The following TPRX1 variants were observed in gnomAD, a reference collection of about 807,000 sequenced individuals.
TPRX1 encodes tetrapeptide repeat homeobox 1.
In TPRX1, 2 loss-of-function variants were observed where a neutral mutation model predicts 8.1. That is an observed-to-expected ratio of 0.25 (90% CI 0.10 to 0.78). The LOEUF is 0.78. Among genes scored for constraint, TPRX1 ranks in the 30% least tolerant of loss-of-function variants. TPRX1 has a pLI of 0.70. For missense variants in TPRX1, 517 were observed against 586.9 expected (o/e 0.88, Z 1.23); for synonymous variants, 257 against 254.1 (o/e 1.01, Z -0.11).
At chr19:47,810,360 T>TC (rs1473000446) in intron 2 of TPRX1, among the ~76,000 whole-genome samples, 81 of 135,174 alleles carry the variant, frequency 6.0e-4, no homozygotes, top group African/African-American at 2.0e-3. Flanking sequence ...TTTTTTTTTT[T>TC]TTTTTTGAGA....
rs762811270 is a variant in TPRX1, at chr19:47,818,336, TCCATCATC to T, written c.151+124_151+131del. Reference sequence around the variant, plus strand: ...ACCCATCCATCCATCCATCCATCCATCCATCATCCATCCATCCATCCATCCATCCATCA... The same window carrying T: ...ACCCATCCATCCATCCATCCATCCATCATCCATCCATCCATCCATCCATCA... On this transcript the variant is annotated intron_variant, in intron 2 of 3. Coordinates refer to ENST00000535759, the Ensembl canonical transcript of TPRX1. 3.0e-3 allele frequency: 913 copies of T among 305,918 alleles called. 62 individuals are homozygous for T. The African/African-American group carries it at 0.038, about 13-fold the overall frequency. 19.0% of individuals were successfully genotyped at this position (305,918 alleles called of 1,614,324 possible).
At chr19:47,807,545 C>T (rs926939032) in intron 2 of TPRX1, among the ~76,000 whole-genome samples, 1 of 151,036 alleles carries the variant, frequency 6.6e-6, no homozygotes, top group Non-Finnish European at 1.5e-5. Context: ...AAAATTTTTT[C>T]TATTTTTAGT....
At chr19:47,808,290 T>G (rs1402259357) in intron 2 of TPRX1, among the ~76,000 whole-genome samples, 1 of 152,030 alleles carries the variant, frequency 6.6e-6, no homozygotes. Context: ...AATTTTTGTA[T>G]TTTTAGTAGA....
chr19:47,816,441 G>A (rs566341364), intron 2 of TPRX1, among the ~76,000 whole-genome samples: 4 of 151,724 alleles, frequency 2.6e-5, no homozygotes, highest in Admixed American at 2.6e-4. Flanking sequence ...TGTAGAGATA[G>A]GGTCTCACTA....
At chr19:47,815,955 G>A (rs1474496517) in intron 2 of TPRX1, among the ~76,000 whole-genome samples, 4 of 152,072 alleles carry the variant, frequency 2.6e-5, no homozygotes, top group African/African-American at 9.7e-5. Flanking sequence ...TTGGGACTTG[G>A]GACAAGTCTT....
At chr19:47,802,444 G>A in exon 4 of TPRX1, 1 of 1,452,268 alleles carries the variant, frequency 6.9e-7, no homozygotes, top group South Asian at 1.2e-5. Flanking sequence ...CTGAGATTGG[G>A]CCTGGGATCG....
chr19:47,816,748 G>A (rs999402145), intron 2 of TPRX1, among the ~76,000 whole-genome samples: 2 of 151,472 alleles, frequency 1.3e-5, no homozygotes, highest in Non-Finnish European at 2.9e-5. Flanking sequence ...TAGCCAGGAT[G>A]GTCTCGATCT....
At chr19:47,813,160 C>A (rs971843603) in intron 2 of TPRX1, among the ~76,000 whole-genome samples, 51 of 132,488 alleles carry the variant, frequency 3.8e-4, no homozygotes, top group African/African-American at 1.4e-3. Flanking sequence ...TAAAACAACC[C>A]CCCCCACCCC....
At chr19:47,802,461 G>A (rs558608333) in exon 4 of TPRX1, 5 of 1,519,754 alleles carry the variant, frequency 3.3e-6, no homozygotes, top group South Asian at 2.4e-5. Flanking sequence ...ATCGGGCCTG[G>A]GTTTGGGCCT....
At chr19:47,810,664 T>C (rs1967774697) in intron 2 of TPRX1, among the ~76,000 whole-genome samples, 1 of 151,948 alleles carries the variant, frequency 6.6e-6, no homozygotes, top group Non-Finnish European at 1.5e-5. Flanking sequence ...TCTCCTCTTT[T>C]ACCCTATGCC....
chr19:47,812,466 G>T (rs1967792550), intron 2 of TPRX1, among the ~76,000 whole-genome samples: 1 of 152,038 alleles, frequency 6.6e-6, no homozygotes, highest in Non-Finnish European at 1.5e-5. Context: ...AACCATGGTG[G>T]CTCATGCCTG....
chr19:47,814,403 A>G lies in TPRX1; in HGVS notation c.151+4065T>C, dbSNP rs1967812822. On this transcript the variant is annotated intron_variant, in intron 2 of 3. Transcript: ENST00000535759. ...ATTATGCGCTGTGGCTCACGCCTGT[A>G]ATCCCAGCACTTTGGGAAGCTAAAG... Among the ~76,000 whole-genome samples the G allele has an allele frequency of 2.0e-5, 3 of 152,182 alleles. No individual in the cohort carries two copies. The South Asian group carries it at 6.2e-4, about 31-fold the overall frequency.
chr19:47,818,320 T>C (rs1967866108), intron 2 of TPRX1: 1 of 293,918 alleles, frequency 3.4e-6, no homozygotes, highest in Non-Finnish European at 6.5e-6. Flanking sequence ...CACCCATCCA[T>C]CCATCCATCC....
intron 2 of TPRX1, chr19:47,818,340 T>TCCATCCTC: frequency 1.3e-5 from 3 of 227,564 alleles, no homozygotes; most frequent in South Asian, 2.7e-5. Context: ...CATCCATCCA[T>TCCATCCTC]CATCCATCCA....
chr19:47,802,393 C>CAGGCCTGGGATCGGGACTGAGATT, exon 4 of TPRX1: 1 of 951,676 alleles, frequency 1.1e-6, no homozygotes, highest in African/African-American at 2.1e-5. Flanking sequence ...GGCCTGGGAT[C>CAGGCCTGGGATCGGGACTGAGATT]GGGCCTGGGA....
chr19:47,802,818 C>T lies in TPRX1; in HGVS notation c.484G>A (p.Ala162Thr), dbSNP rs371520931. Residue 162 changes from alanine (A) to threonine (T), a missense_variant, in exon 4 of 4, where the codon GCG (alanine) becomes ACG (threonine). Physicochemically the swap from Ala to Thr is moderately conservative, Grantham distance 58 (BLOSUM62 0). Around this residue, in one of 3 missense-constraint regions of TPRX1, gnomAD observed 506 missense variants for 515.5 expected, o/e 0.98. Transcript: ENST00000535759. ...AGGCTGCAGATCGTGGGTTCCGCCG[C>T]TGGAAGGATTCCCGAGGGGCCCCGC... The T allele has an allele frequency of 2.1e-5, 33 of 1,601,712 alleles. No individual in the cohort carries two copies. Among genetic ancestry groups the T allele is most frequent in the African/African-American group, 9.4e-5 (7 of 74,760 alleles).
At position 47,802,282 on chromosome 19, in the gene TPRX1, GA is replaced by G. The variant is rs1452865257; in HGVS notation, c.1019del (p.Ile340ThrfsTer8). ...GGATCAGGCCTGGGTTCGGGCCTGA[GA>G]TTGGGCCTGGGATCGGGCCTGGGTT... is the stretch of plus-strand genomic sequence containing the variant. On this transcript the variant is annotated frameshift_variant, in exon 4 of 4. Transcript: ENST00000535759. LOFTEE classifies it low-confidence loss of function (END_TRUNC). 2.6e-6 allele frequency: 4 copies of G among 1,545,718 alleles called. No homozygotes were observed. In the African/African-American group the frequency reaches 5.5e-5, roughly 21 times the overall value.
intron 2 of TPRX1, among the ~76,000 whole-genome samples, chr19:47,805,396 C>A (rs1967726886): frequency 6.6e-6 from 1 of 152,078 alleles, no homozygotes; most frequent in African/African-American, 2.4e-5. Context: ...AGTGAATGAA[C>A]CTACTGCTGA....
intron 2 of TPRX1, among the ~76,000 whole-genome samples, chr19:47,818,211 C>CCCAT (rs1158497330): frequency 8.1e-5 from 12 of 148,022 alleles, no homozygotes; most frequent in East Asian, 2.0e-4. Flanking sequence ...CCATCCATCA[C>CCCAT]CCATCCATCC....
Sources: gnomAD v4.1 joint callset for allele counts (sites outside exome capture counted in the v4.1 genomes callset) on GRCh38, gnomAD v4.1.1 for gene constraint, gnomAD v4.1.1 regional missense constraint, MANE v1.5 for transcripts, NCBI Gene and HGNC (gene_info 2026-07-23, HGNC 2026-07-21) for gene names.